Variants in IPCEF1 observed in about 807,000 individuals in gnomAD.
IPCEF1 encodes the protein interaction protein for cytohesin exchange factors 1, also known as interactor protein for cytohesin exchange factors 1.
Under a neutral mutation model 50.9 loss-of-function variants are expected in IPCEF1, and 31 were observed. The observed-to-expected ratio is 0.61, with a 90% CI of 0.46 to 0.82. IPCEF1 has a LOEUF of 0.82. Ranked by LOEUF, IPCEF1 falls within the 40% of genes least tolerant of loss-of-function variation. The probability of loss-of-function intolerance (pLI) is 0.00; values close to 1 mark genes in which losing one functional copy is unlikely to be tolerated. For synonymous variants in IPCEF1, 181 were observed against 192.0 expected, an observed-to-expected ratio of 0.94 and a Z score of 0.47; for missense variants, 458 against 514.0, an observed-to-expected ratio of 0.89 and a Z score of 1.05.
At chr6:154,202,014 G>A (rs966402092) in intron 9 of IPCEF1, among the ~76,000 whole-genome samples, 7 of 152,202 alleles carry the variant, frequency 4.6e-5, no homozygotes, top group Admixed American at 4.6e-4. Context: ...AACTAATTCA[G>A]AACAGTTGAC....
intron 1 of IPCEF1, among the ~76,000 whole-genome samples, chr6:154,320,024 T>A (rs1232257899): frequency 6.6e-6 from 1 of 152,200 alleles, no homozygotes; most frequent in African/African-American, 2.4e-5. Flanking sequence ...ATGAGAATAT[T>A]CCCTTCCGAG....
intron 9 of IPCEF1, among the ~76,000 whole-genome samples, chr6:154,211,314 C>T (rs142122881): frequency 0.068 from 10,246 of 151,558 alleles, 478 homozygotes; most frequent in Non-Finnish European, 0.096. Context: ...GAGGCTGAGG[C>T]AGGAGAATGG....
intron 9 of IPCEF1, among the ~76,000 whole-genome samples, chr6:154,207,125 G>A (rs569559807): frequency 6.6e-6 from 1 of 152,200 alleles, no homozygotes; most frequent in South Asian, 2.1e-4. Flanking sequence ...TCAGGTCAGG[G>A]CTGATGAGGG....
intron 1 of IPCEF1, among the ~76,000 whole-genome samples, chr6:154,331,645 C>T (rs1179892385): frequency 6.6e-6 from 1 of 152,134 alleles, no homozygotes; most frequent in Non-Finnish European, 1.5e-5. Context: ...AGATCCCAGG[C>T]ATTGGAGAGT....
In IPCEF1 at chr6:154,247,139, T is replaced by C. The variant is rs920699627; in HGVS notation, c.76+310A>G. 16 of 425,104 alleles carry C rather than the reference T, an allele frequency of 3.8e-5. No homozygotes were observed. The East Asian group carries it at 5.5e-4, about 15-fold the overall frequency. The allele number at this position is 425,104 out of a possible 1,614,324, so 26.3% of individuals were successfully genotyped here. A position where few individuals can be genotyped will look rare whatever the true frequency, so the allele number is the denominator to read the frequency against. On this transcript the variant is annotated intron_variant, in intron 4 of 11. Transcript: ENST00000367220. ...TATCAGTGCAGTAACATAGCTCCTC[T>C]CAACAATAACAGCCGTAGTTATGCA...
rs371598556 is a variant in IPCEF1, at chr6:154,247,473, G to C, written c.52C>G (p.Gln18Glu). 3.7e-6 allele frequency: 6 copies of C among 1,612,404 alleles called. No homozygotes were observed. Among genetic ancestry groups the C allele is most frequent in the Non-Finnish European group, 5.1e-6 (6 of 1,178,834 alleles). The change falls in exon 4 of 12, where the codon CAG (glutamine) becomes GAG (glutamate). Residue 18 changes from glutamine to glutamate, a missense_variant. Physicochemically the swap from Gln to Glu is conservative, Grantham distance 29 (BLOSUM62 2). Coordinates refer to ENST00000367220, the MANE Select transcript of IPCEF1 (RefSeq NM_001130700.2). ...CCTTGAGTTTTCCTCCTGGGCTTCT[G>C]ACGCAAGGGAACCTGCTGAAAATGC... is the stretch of plus-strand genomic sequence containing the variant. ...DGSALQVPLR[Q>E]KPRRKTQGFL...
At chr6:154,291,896 G>A (rs980451286) in intron 1 of IPCEF1, among the ~76,000 whole-genome samples, 6 of 151,880 alleles carry the variant, frequency 4.0e-5, no homozygotes, top group African/African-American at 1.2e-4. Flanking sequence ...TGTTAGCCAG[G>A]GTGGTCTGGA....
chr6:154,331,293 GAGAAAGAA>G (rs370236600), intron 1 of IPCEF1, among the ~76,000 whole-genome samples: 1 of 147,448 alleles, frequency 6.8e-6, no homozygotes, highest in African/African-American at 2.5e-5. Context: ...GAATTTGAGA[GAGAAAGAA>G]AGAAAGAAAA....
Position 154,212,842 on chromosome 6 carries a change from T to C in IPCEF1, c.465A>G (p.Glu155=). 6.2e-7 allele frequency: 1 copy of C among 1,611,652 alleles called. No individual in the cohort carries two copies. Among genetic ancestry groups the C allele is most frequent in the South Asian group, 1.1e-5 (1 of 91,008 alleles). ...STTKDEECYS[E]SEQEDPEIAA... ...CTATTTCTGGATCTTCCTGTTCACT[T>C]TCACTGTAACATTCTATAACAAAAA... The change falls in exon 9 of 12, where the codon GAA becomes GAG. Residue 155 remains glutamate (E), a synonymous_variant. Coordinates refer to ENST00000367220, the MANE Select transcript of IPCEF1 (RefSeq NM_001130700.2).
intron 4 of IPCEF1, 175 bp from the exon 5 acceptor site, chr6:154,246,935 CAA>C (rs10543127): frequency 0.23 from 57,157 of 250,578 alleles, 2,019 homozygotes; most frequent in African/African-American, 0.25. Context: ...AAAACCAATG[CAA>C]AAAAAAAAAA....
intron 1 of IPCEF1, among the ~76,000 whole-genome samples, chr6:154,346,179 C>T (rs1364933862): frequency 1.3e-5 from 2 of 152,168 alleles, no homozygotes; most frequent in East Asian, 3.9e-4. Context: ...CTCACATGTA[C>T]ATTATTAAAA....
At chr6:154,192,309 A>C in intron 10 of IPCEF1, among the ~76,000 whole-genome samples, 1 of 107,350 alleles carries the variant, frequency 9.3e-6, no homozygotes, top group Non-Finnish European at 2.0e-5. Context: ...AATGGTGGCC[A>C]CGTGGTTACT....
intron 1 of IPCEF1, among the ~76,000 whole-genome samples, 168 bp downstream of exon 1, chr6:154,356,504 T>G (rs569983882): frequency 2.6e-5 from 4 of 152,316 alleles, no homozygotes; most frequent in South Asian, 4.1e-4. Context: ...AAAGAATCTT[T>G]AGCACCTGGC....
chr6:154,175,896 T>C (rs1282528178), intron 10 of IPCEF1, among the ~76,000 whole-genome samples: 2 of 152,184 alleles, frequency 1.3e-5, no homozygotes, highest in African/African-American at 4.8e-5. Flanking sequence ...CCAATATCCC[T>C]GATGAACATT....
intron 3 of IPCEF1, among the ~76,000 whole-genome samples, chr6:154,263,578 G>A (rs6908439): frequency 0.91 from 66,052 of 72,468 alleles, 30,634 homozygotes; most frequent in East Asian, 1. Context: ...TCACAGATCA[G>A]CAGGATCCCA....
intron 2 of IPCEF1, among the ~76,000 whole-genome samples, chr6:154,278,322 T>G (rs930883777): frequency 6.6e-6 from 1 of 152,230 alleles, no homozygotes; most frequent in Non-Finnish European, 1.5e-5. Context: ...CCAGGTCTCC[T>G]GACACTGCTG....
chr6:154,349,966 T>C (rs80160802), intron 1 of IPCEF1, among the ~76,000 whole-genome samples: 5,687 of 152,312 alleles, frequency 0.037, 156 homozygotes, highest in Non-Finnish European at 0.057. Context: ...TAATAGGAAT[T>C]AGGGTAATTC....
intron 11 of IPCEF1, among the ~76,000 whole-genome samples, chr6:154,163,757 T>C (rs1245340722): frequency 1.3e-5 from 2 of 152,202 alleles, no homozygotes; most frequent in Non-Finnish European, 2.9e-5. Context: ...CTGAACCCTA[T>C]TTGGAGTCTG....
At chr6:154,343,742 A>G (rs1783966844) in intron 1 of IPCEF1, among the ~76,000 whole-genome samples, 1 of 152,206 alleles carries the variant, frequency 6.6e-6, no homozygotes, top group African/African-American at 2.4e-5. Context: ...GTCCTTGGAA[A>G]GTTTTCGTCC....
Sources: gnomAD v4.1 joint callset for allele counts (sites outside exome capture counted in the v4.1 genomes callset) on GRCh38, gnomAD v4.1.1 for gene constraint, MANE v1.5 for transcripts, NCBI Gene and HGNC (gene_info 2026-07-23, HGNC 2026-07-21) for gene names.